The following USP8 variants were observed in gnomAD, a reference collection of about 807,000 sequenced individuals.
USP8 encodes the protein ubiquitin carboxyl-terminal hydrolase 8.
A neutral mutation model predicts 130.0 loss-of-function variants in USP8; 27 were observed. That is an observed-to-expected ratio of 0.21 (90% confidence interval 0.15 to 0.29). USP8 has a LOEUF of 0.29. Ranked by LOEUF, USP8 falls within the 10% of genes least tolerant of loss-of-function variation. The pLI is 1.00. For missense variants in USP8, 1,029 were observed against 1,312.2 expected, an observed-to-expected ratio of 0.78 and a Z score of 3.33; for synonymous variants, 392 against 444.1, an observed-to-expected ratio of 0.88 and a Z score of 1.48.
At chr15:50,430,141 C>G (rs2049884370) in intron 1 of USP8, among the ~76,000 whole-genome samples, 1 of 152,120 alleles carries the variant, frequency 6.6e-6, no homozygotes, top group South Asian at 2.1e-4. Flanking sequence ...TCCCCTGTAT[C>G]ACAACACTGC....
chr15:50,430,339 G>A (rs2049891656), intron 1 of USP8, among the ~76,000 whole-genome samples: 1 of 151,896 alleles, frequency 6.6e-6, no homozygotes, highest in South Asian at 2.1e-4. Flanking sequence ...AGAGTGAGAC[G>A]TCATCTCAAA....
At chr15:50,474,413 T>C (rs2051492147) in intron 8 of USP8, among the ~76,000 whole-genome samples, 1 of 152,134 alleles carries the variant, frequency 6.6e-6, no homozygotes, top group Non-Finnish European at 1.5e-5. Context: ...AGAAAGTCGG[T>C]CTTAAAAGCC....
intron 11 of USP8, 29 bp downstream of exon 11, chr15:50,482,094 G>C (rs74564155): frequency 6.9e-7 from 1 of 1,454,790 alleles, no homozygotes; most frequent in Non-Finnish European, 9.1e-7. Flanking sequence ...AATTGCCAAC[G>C]AAGTGAAAGA....
chr15:50,447,708 G>A (rs1164912472), intron 3 of USP8, among the ~76,000 whole-genome samples: 3 of 151,366 alleles, frequency 2.0e-5, no homozygotes, highest in Non-Finnish European at 4.4e-5. Context: ...GATTACAGGC[G>A]CACGCCACCA....
chr15:50,488,852 C>T (rs140395436), intron 12 of USP8, among the ~76,000 whole-genome samples: 1,588 of 151,756 alleles, frequency 0.01, 29 homozygotes, highest in African/African-American at 0.035. Flanking sequence ...GGATTACAGG[C>T]GTGAGCCACT....
At chr15:50,425,058 G>A (rs937490633) in intron 1 of USP8, among the ~76,000 whole-genome samples, 1 of 151,572 alleles carries the variant, frequency 6.6e-6, no homozygotes, top group African/African-American at 2.4e-5. Flanking sequence ...TAATTTCACC[G>A]CCACTCCACC....
intron 12 of USP8, among the ~76,000 whole-genome samples, chr15:50,487,180 C>T (rs2051994907): frequency 6.7e-6 from 1 of 150,368 alleles, no homozygotes; most frequent in African/African-American, 2.4e-5. Flanking sequence ...ACCCCAATAA[C>T]CTATGGAAAA....
Position 50,501,124 on chromosome 15 carries a change from A to G in USP8, c.*2036A>G. On this transcript the variant is annotated 3_prime_UTR_variant, in exon 20 of 20. Transcript: ENST00000307179. ...TCAGTGAACATTTAGTTAGCACTTA[A>G]TATACATCAACTATTAAGCATTAAA... The G allele has an allele frequency of 3.1e-6, 1 of 322,566 alleles. No homozygotes were observed. Among genetic ancestry groups the G allele is most frequent in the Non-Finnish European group, 6.0e-6 (1 of 166,296 alleles). 20.0% of individuals were successfully genotyped at this position (322,566 alleles called of 1,614,324 possible).
At chr15:50,485,375 G>A (rs1373865606) in intron 12 of USP8, among the ~76,000 whole-genome samples, 1 of 151,308 alleles carries the variant, frequency 6.6e-6, no homozygotes, top group African/African-American at 2.4e-5. Flanking sequence ...GCATGAACCA[G>A]GGAGGCGGAG....
At chr15:50,479,048 T>C (rs565465565) in intron 10 of USP8, among the ~76,000 whole-genome samples, 6 of 151,848 alleles carry the variant, frequency 4.0e-5, no homozygotes, top group Non-Finnish European at 7.4e-5. Flanking sequence ...TGAGACTCTG[T>C]CTCAAAAAAA....
Position 50,501,063 on chromosome 15 carries a change from G to C in USP8, c.*1975G>C. On this transcript the variant is annotated 3_prime_UTR_variant, in exon 20 of 20. Transcript: ENST00000307179. Reference sequence around the variant, plus strand: ...CCATTGACTATCATCTGTGAATAAAGAAAGACAATATTTAGCAGCATCTGA... The same window carrying C: ...CCATTGACTATCATCTGTGAATAAACAAAGACAATATTTAGCAGCATCTGA... 4.3e-6 allele frequency: 2 copies of C among 469,994 alleles called. No individual in the cohort carries two copies. Among genetic ancestry groups the C allele is most frequent in the Non-Finnish European group, 7.8e-6 (2 of 256,852 alleles). The allele number at this position is 469,994 out of a possible 1,614,324, so 29.1% of individuals were successfully genotyped here. A position where few individuals can be genotyped will look rare whatever the true frequency, so the allele number is the denominator to read the frequency against.
rs1197357405 is a variant in USP8, at chr15:50,490,307, C to A, written c.2016C>A (p.Pro672=). The change falls in exon 14 of 20, where the codon CCC becomes CCA. Residue 672 remains proline, a synonymous_variant. Coordinates refer to ENST00000307179, the MANE Select transcript of USP8 (RefSeq NM_005154.5). ...ITGTFRYYHS[P]TNTVHMYPPE... is the part of the protein sequence containing the mutation. The stretch of plus-strand genomic sequence containing the variant: ...GAACCTTTCGTTATTATCATTCACC[C>A]ACCAACACTGTTCATATGTACCCAC... 1.2e-6 allele frequency: 2 copies of A among 1,613,760 alleles called. No homozygotes were observed.
intron 10 of USP8, among the ~76,000 whole-genome samples, chr15:50,479,373 C>T (rs950506465): frequency 2.6e-5 from 4 of 151,952 alleles, no homozygotes; most frequent in South Asian, 2.1e-4. Context: ...CATATGTGGG[C>T]GCTAGTCTCT....
chr15:50,449,175 A>G (rs1316569397), intron 3 of USP8, among the ~76,000 whole-genome samples: 1 of 152,240 alleles, frequency 6.6e-6, no homozygotes, highest in Non-Finnish European at 1.5e-5. Flanking sequence ...AGTCAAATTT[A>G]TGAACTAGTG....
At chr15:50,429,813 A>T (rs1044093231) in intron 1 of USP8, among the ~76,000 whole-genome samples, 2 of 152,148 alleles carry the variant, frequency 1.3e-5, no homozygotes, top group African/African-American at 2.4e-5. Flanking sequence ...TACAGCTGGG[A>T]TTGAGAACTA....
chr15:50,481,321 G>C (rs1025933089), intron 10 of USP8, among the ~76,000 whole-genome samples, 160 bp from the exon 11 acceptor site: 2 of 152,198 alleles, frequency 1.3e-5, no homozygotes, highest in Non-Finnish European at 1.5e-5. Flanking sequence ...TTCAAGTTCT[G>C]TTTTATGAGA....
chr15:50,483,437 A>G (rs1351385804), intron 11 of USP8, among the ~76,000 whole-genome samples: 1 of 152,240 alleles, frequency 6.6e-6, no homozygotes, highest in African/African-American at 2.4e-5. Context: ...AATTATCACT[A>G]ATTTTAAAAA....
At chr15:50,427,602 T>G (rs1204127220) in intron 1 of USP8, among the ~76,000 whole-genome samples, 2 of 149,438 alleles carry the variant, frequency 1.3e-5, no homozygotes, top group African/African-American at 2.5e-5. Context: ...TTGCTCTGTC[T>G]TCTAGGCTGG....
intron 4 of USP8, chr15:50,458,563 A>C (rs2050871295): frequency 6.1e-6 from 1 of 163,036 alleles, no homozygotes; most frequent in Admixed American, 6.0e-5. Context: ...ATCCTTTAAA[A>C]AAATGTAACT....
Sources: allele counts gnomAD v4.1 joint callset (sites outside exome capture counted in the v4.1 genomes callset), GRCh38; gene constraint gnomAD v4.1.1; transcripts MANE v1.5; gene names NCBI Gene and HGNC (gene_info 2026-07-23, HGNC 2026-07-21).